Variants in ADCY3 observed in about 807,000 individuals in gnomAD.
ADCY3 encodes the protein adenylate cyclase 3.
A neutral mutation model predicts 119.4 loss-of-function variants in ADCY3; 70 were observed. The observed-to-expected ratio is 0.59, with a 90% CI of 0.48 to 0.72. The LOEUF (loss-of-function observed/expected upper bound fraction) is 0.72, where lower values mean the gene tolerates loss of function less well. Among genes scored for constraint, ADCY3 ranks in the 30% least tolerant of loss-of-function variants. ADCY3 has a pLI of 0.00. For missense variants in ADCY3, 1,238 were observed against 1,541.6 expected, an observed-to-expected ratio of 0.80 and a Z score of 3.30; for synonymous variants, 672 against 621.4, an observed-to-expected ratio of 1.08 and a Z score of -1.21.
chr2:24,889,070 C>A (rs945588887), intron 2 of ADCY3, among the ~76,000 whole-genome samples: 3 of 152,224 alleles, frequency 2.0e-5, no homozygotes, highest in Non-Finnish European at 2.9e-5. Flanking sequence ...TTTATTGATA[C>A]ACGCACCTTC....
intron 2 of ADCY3, among the ~76,000 whole-genome samples, chr2:24,890,964 C>A (rs1449844488): frequency 6.6e-6 from 1 of 152,058 alleles, no homozygotes; most frequent in Non-Finnish European, 1.5e-5. Context: ...CTCCACCTCC[C>A]AGGTTCAAGC....
intron 21 of ADCY3, chr2:24,820,467 A>AGG: frequency 2.2e-6 from 3 of 1,344,626 alleles, no homozygotes; most frequent in Non-Finnish European, 2.9e-6. Context: ...ACAGATCACA[A>AGG]GGTATTAGAA....
At chr2:24,829,473 G>C (rs969316025) in intron 13 of ADCY3, among the ~76,000 whole-genome samples, 1 of 126,630 alleles carries the variant, frequency 7.9e-6, no homozygotes, top group Non-Finnish European at 1.6e-5. Flanking sequence ...CCAGGCTGGA[G>C]TGCAGTGCAC....
chr2:24,883,320 C>A (rs1676633604), intron 2 of ADCY3, among the ~76,000 whole-genome samples: 1 of 151,628 alleles, frequency 6.6e-6, no homozygotes, highest in Non-Finnish European at 1.5e-5. Flanking sequence ...TGCCCTCCAG[C>A]CTGGGCGACA....
In ADCY3 at chr2:24,918,854, G is replaced by C. The variant is rs769381985; in HGVS notation, c.134C>G (p.Ser45Cys). The C allele has an allele frequency of 1.9e-6, 3 of 1,613,408 alleles. No individual in the cohort carries two copies. In the South Asian group the frequency reaches 3.3e-5, roughly 18 times the overall value. ...CATGAAGCGAGGCAGGCACAGGCAG[G>C]AGCCCGAGTTCCGGACCGAGATTTC... Reference protein sequence around the residue: ...THEISVRNSGSCLCLPRFMRL... With the variant: ...THEISVRNSGCCLCLPRFMRL... The change falls in exon 2 of 22, where the codon TCC becomes TGC. Residue 45 changes from serine to cysteine, a missense_variant. This residue lies in a region of ADCY3 where 227 missense variants were observed against 249.3 expected (regional missense o/e 0.91). Coordinates refer to ENST00000679454, the MANE Select transcript of ADCY3 (RefSeq NM_004036.5). This position sits in a 1 kb window ranked among gnomAD's most constrained non-coding sequence, Gnocchi z 5.4.
intron 2 of ADCY3, among the ~76,000 whole-genome samples, chr2:24,879,874 G>A (rs1355958226): frequency 1.3e-5 from 2 of 152,186 alleles, no homozygotes; most frequent in Non-Finnish European, 2.9e-5. Flanking sequence ...TAAGGATCCA[G>A]TTAGGACCTG....
rs1484401815 is a variant in ADCY3, at chr2:24,819,388, A to G, written c.*544T>C. 6.5e-6 allele frequency: 1 copy of G among 152,680 alleles called. No individual in the cohort carries two copies. The highest frequency in any genetic ancestry group is 2.4e-5 in the African/African-American group (1 of 41,454). 9.5% of individuals were successfully genotyped at this position (152,680 alleles called of 1,614,324 possible). On this transcript the variant is annotated 3_prime_UTR_variant, in exon 22 of 22. Transcript: ENST00000679454. Reference sequence around the variant, plus strand: ...CCCCCTCCCCTGCCAGGTGAAAGGAAATATTGCACTTTCTGTTCTCATGAC... The same window carrying G: ...CCCCCTCCCCTGCCAGGTGAAAGGAGATATTGCACTTTCTGTTCTCATGAC...
chr2:24,843,109 A>T (rs1671243048), intron 3 of ADCY3, among the ~76,000 whole-genome samples: 1 of 152,228 alleles, frequency 6.6e-6, no homozygotes. Context: ...GCACAGACAC[A>T]CGCAAAGCGC....
At chr2:24,852,689 C>T (rs538188094) in intron 3 of ADCY3, among the ~76,000 whole-genome samples, 15 of 152,376 alleles carry the variant, frequency 9.8e-5, no homozygotes, top group Admixed American at 5.9e-4. Context: ...CCCCAGCAGA[C>T]GCCTGCCTGC....
chr2:24,870,576 G>A (rs1296521267), intron 3 of ADCY3, among the ~76,000 whole-genome samples: 1 of 152,092 alleles, frequency 6.6e-6, no homozygotes, highest in South Asian at 2.1e-4. Context: ...CTCCATCCTG[G>A]GGCCAATGTC....
At chr2:24,875,634 C>T (rs1298821643) in intron 2 of ADCY3, among the ~76,000 whole-genome samples, 1 of 152,204 alleles carries the variant, frequency 6.6e-6, no homozygotes, top group Non-Finnish European at 1.5e-5. Flanking sequence ...CAGCAGTGCT[C>T]CCAGGCAACA....
At chr2:24,916,553 G>A (rs745723967) in intron 2 of ADCY3, among the ~76,000 whole-genome samples, 8 of 152,182 alleles carry the variant, frequency 5.3e-5, no homozygotes, top group Non-Finnish European at 1.0e-4. Context: ...GTGGAGGCGC[G>A]TGCCTGTCAT....
At chr2:24,840,146 C>T (rs926781520) in intron 6 of ADCY3, 115 bp from the exon 7 acceptor site, 20 of 1,375,244 alleles carry the variant, frequency 1.5e-5, no homozygotes, top group Non-Finnish European at 1.9e-5. Flanking sequence ...CAAGAGGGGG[C>T]CTGGCAAGGT....
chr2:24,887,065 A>G (rs1677110555), intron 2 of ADCY3, among the ~76,000 whole-genome samples: 1 of 152,226 alleles, frequency 6.6e-6, no homozygotes, highest in Non-Finnish European at 1.5e-5. Context: ...CGGGCAATTT[A>G]TAAAGGAAAG....
chr2:24,887,939 C>A (rs1261696867), intron 2 of ADCY3, among the ~76,000 whole-genome samples: 1 of 152,176 alleles, frequency 6.6e-6, no homozygotes, highest in Non-Finnish European at 1.5e-5. Context: ...CCCAAGGTTA[C>A]TCCTGAATTT....
intron 2 of ADCY3, among the ~76,000 whole-genome samples, chr2:24,895,674 T>A (rs1678181288): frequency 6.6e-6 from 1 of 151,746 alleles, no homozygotes; most frequent in Non-Finnish European, 1.5e-5. Flanking sequence ...TCACCCAAGC[T>A]AGAGTGCAGT....
At chr2:24,901,174 C>T (rs58280146) in intron 2 of ADCY3, among the ~76,000 whole-genome samples, 95 of 152,304 alleles carry the variant, frequency 6.2e-4, no homozygotes, top group African/African-American at 2.2e-3. Context: ...TCCCCAGAGC[C>T]GAGACACTGG....
chr2:24,892,318 G>A (rs1043696323), intron 2 of ADCY3, among the ~76,000 whole-genome samples: 7 of 150,052 alleles, frequency 4.7e-5, no homozygotes, highest in South Asian at 2.1e-4. Flanking sequence ...GCGCGATCTC[G>A]GCTCACTGCA....
intron 2 of ADCY3, among the ~76,000 whole-genome samples, chr2:24,907,372 G>C (rs1268733964): frequency 1.3e-5 from 2 of 152,218 alleles, no homozygotes; most frequent in Non-Finnish European, 2.9e-5. Context: ...TTCAAGTCCA[G>C]TCGCTTATGT....
Sources: allele counts gnomAD v4.1 joint callset (sites outside exome capture counted in the v4.1 genomes callset), GRCh38; gene constraint gnomAD v4.1.1; regional missense constraint gnomAD v4.1.1; non-coding constraint Gnocchi (gnomAD v3.1); transcripts MANE v1.5; gene names NCBI Gene and HGNC (gene_info 2026-07-23, HGNC 2026-07-21).